The following CECR2 variants were observed in gnomAD, a reference collection of about 807,000 sequenced individuals.
The protein encoded by CECR2 is chromatin remodeling regulator CECR2.
Under a neutral mutation model 154.5 loss-of-function variants are expected in CECR2, and 30 were observed. The ratio of observed to expected loss-of-function variants is 0.19; its 90% CI spans 0.15 to 0.26. The LOEUF is 0.26. Among genes scored for constraint, CECR2 ranks in the 10% least tolerant of loss-of-function variants. The probability of loss-of-function intolerance (pLI) is 1.00; values close to 1 mark genes in which losing one functional copy is unlikely to be tolerated. For synonymous variants in CECR2, 725 were observed against 683.7 expected, an observed-to-expected ratio of 1.06 and a Z score of -0.94; for missense variants, 1,743 against 1,829.3, an observed-to-expected ratio of 0.95 and a Z score of 0.86.
At chr22:17,364,342 C>CAAAAAAA (rs59134897) in intron 1 of CECR2, among the ~76,000 whole-genome samples, 653 of 52,884 alleles carry the variant, frequency 0.012, 16 homozygotes, top group Middle Eastern at 0.03. Flanking sequence ...GACTCTGTCT[C>CAAAAAAA]AAAAAAAAAA....
chr22:17,415,720 T>C (rs73375062), intron 1 of CECR2, among the ~76,000 whole-genome samples: 4,150 of 152,288 alleles, frequency 0.027, 194 homozygotes, highest in African/African-American at 0.094. Flanking sequence ...CTTCGTGAAA[T>C]GGAAGGTTTG....
At chr22:17,518,446 C>T (rs928221590) in intron 8 of CECR2, among the ~76,000 whole-genome samples, 3 of 152,204 alleles carry the variant, frequency 2.0e-5, no homozygotes. Context: ...TGTTCTACCC[C>T]AGTGGTAATG....
At chr22:17,472,164 T>C (rs78727359) in intron 1 of CECR2, among the ~76,000 whole-genome samples, 5,691 of 152,256 alleles carry the variant, frequency 0.037, 164 homozygotes, top group South Asian at 0.14. Flanking sequence ...ATCCATCTCT[T>C]GGCCAACTGA....
At chr22:17,367,893 T>C (rs978201384), upstream of CECR2, among the ~76,000 whole-genome samples, 3 of 152,148 alleles carry the variant, frequency 2.0e-5, no homozygotes, top group Non-Finnish European at 2.9e-5. Context: ...TTGGGAGCAG[T>C]CACATGTGAG....
intron 1 of CECR2, among the ~76,000 whole-genome samples, chr22:17,417,916 C>T (rs1465826923): frequency 1.3e-5 from 2 of 151,928 alleles, no homozygotes; most frequent in Non-Finnish European, 2.9e-5. Flanking sequence ...TCACTGTGCC[C>T]GGCCCTCAAT....
chr22:17,443,312 T>G (rs1699342480), intron 1 of CECR2, among the ~76,000 whole-genome samples: 2 of 152,232 alleles, frequency 1.3e-5, no homozygotes, highest in African/African-American at 4.8e-5. Flanking sequence ...ATTTCTCTAT[T>G]AAAATTCTGT....
intron 1 of CECR2, among the ~76,000 whole-genome samples, chr22:17,393,745 T>C (rs1480459997): frequency 1.3e-5 from 2 of 152,202 alleles, no homozygotes; most frequent in Non-Finnish European, 2.9e-5. Flanking sequence ...ACTTCCCTCA[T>C]GCTTAATGAT....
chr22:17,419,620 TATG>T (rs2054214061), intron 1 of CECR2: 2 of 330,322 alleles, frequency 6.1e-6, no homozygotes, highest in Non-Finnish European at 6.1e-6. Context: ...GAGCTGCCAT[TATG>T]ATGATTCCGC....
upstream of CECR2, among the ~76,000 whole-genome samples, chr22:17,365,276 T>A (rs2062996355): frequency 6.6e-6 from 1 of 152,172 alleles, no homozygotes; most frequent in African/African-American, 2.4e-5. Flanking sequence ...TAACGACGGT[T>A]ATGAAGAAGC....
chr22:17,381,666 T>C (rs1569043892), intron 1 of CECR2, among the ~76,000 whole-genome samples: 1 of 152,202 alleles, frequency 6.6e-6, no homozygotes, highest in Non-Finnish European at 1.5e-5. Context: ...CCTGTTGTGC[T>C]GCTGCCCTGG....
chr22:17,472,664 A>G (rs748040221), intron 1 of CECR2, among the ~76,000 whole-genome samples: 3 of 152,202 alleles, frequency 2.0e-5, no homozygotes, highest in Non-Finnish European at 2.9e-5. Context: ...TCGATCCTTA[A>G]TCAGAAGTTG....
chr22:17,439,029 A>G (rs2054547076), intron 1 of CECR2, among the ~76,000 whole-genome samples: 1 of 152,070 alleles, frequency 6.6e-6, no homozygotes, highest in Non-Finnish European at 1.5e-5. Flanking sequence ...TTTTTAAAGT[A>G]TGTATATATA....
intron 9 of CECR2, among the ~76,000 whole-genome samples, chr22:17,535,531 A>G (rs1184382988): frequency 6.6e-6 from 1 of 152,192 alleles, no homozygotes; most frequent in Non-Finnish European, 1.5e-5. Context: ...GGAATCAAGG[A>G]GAATAATGGA....
chr22:17,444,224 C>G lies in CECR2; in HGVS notation c.127-33364C>G, dbSNP rs137893586. 4.2e-3 allele frequency among the ~76,000 whole-genome samples: 645 copies of G among 152,288 alleles called. 3 individuals are homozygous for G. The highest frequency in any genetic ancestry group is 0.015 in the African/African-American group (620 of 41,568). On this transcript the variant is annotated intron_variant, in intron 1 of 18. Transcript: ENST00000262608. ...CCATAGTTGATTGCAGACAGTGAAG[C>G]GTTTGCTGGCTAATACAGTTCGTGT...
At chr22:17,420,112 G>C (rs1488072287) in intron 1 of CECR2, among the ~76,000 whole-genome samples, 3 of 152,202 alleles carry the variant, frequency 2.0e-5, no homozygotes, top group Non-Finnish European at 2.9e-5. Flanking sequence ...TAAACCAGAG[G>C]GGGGTTGGTC....
chr22:17,534,916 C>T (rs1193264656), intron 9 of CECR2, among the ~76,000 whole-genome samples: 3 of 146,634 alleles, frequency 2.0e-5, no homozygotes, highest in Admixed American at 6.8e-5. Flanking sequence ...TTTGGGAGGT[C>T]GAGGCAGGTG....
intron 1 of CECR2, among the ~76,000 whole-genome samples, chr22:17,457,443 C>T (rs1447068531): frequency 2.0e-5 from 3 of 152,156 alleles, no homozygotes; most frequent in Admixed American, 1.3e-4. Context: ...ATTCATAATA[C>T]CTTTCGTTAA....
At position 17,389,783 on chromosome 22, in the gene CECR2, A is replaced by G. The variant is rs2063307022; in HGVS notation, c.126+19874A>G. Among the ~76,000 whole-genome samples, 3 of 151,808 alleles carry G rather than the reference A, an allele frequency of 2.0e-5. No homozygotes were observed. The South Asian group carries it at 6.2e-4, about 32-fold the overall frequency. On this transcript the variant is annotated intron_variant, in intron 1 of 18. Coordinates refer to ENST00000262608, the MANE Select transcript of CECR2 (RefSeq NM_001290047.2). ...GCTGGGACTACAGGCATGCGCCACA[A>G]CGCCCGGCTAATTTTTGTGTTTTTA...
chr22:17,509,504 A>G (rs1162416279), intron 7 of CECR2, among the ~76,000 whole-genome samples: 2 of 150,764 alleles, frequency 1.3e-5, no homozygotes, highest in Non-Finnish European at 2.9e-5. Flanking sequence ...ATCATAGCTC[A>G]TTGTAACCTT....
Sources: gnomAD v4.1 joint callset for allele counts (sites outside exome capture counted in the v4.1 genomes callset) on GRCh38, gnomAD v4.1.1 for gene constraint, MANE v1.5 for transcripts, NCBI Gene and HGNC (gene_info 2026-07-23, HGNC 2026-07-21) for gene names.